Variants in PTPRD observed in about 807,000 individuals in gnomAD.
PTPRD encodes protein tyrosine phosphatase receptor type D.
A neutral mutation model predicts 214.5 loss-of-function variants in PTPRD; 34 were observed. The observed-to-expected ratio is 0.16, with a 90% confidence interval of 0.12 to 0.21. The LOEUF (loss-of-function observed/expected upper bound fraction) is 0.21, where lower values mean the gene tolerates loss of function less well. PTPRD is among the 10% of genes least tolerant of loss of function. The pLI is 1.00. For synonymous variants in PTPRD, 1,128 were observed against 845.7 expected, an observed-to-expected ratio of 1.33 and a Z score of -5.79; for missense variants, 2,545 against 2,398.7, an observed-to-expected ratio of 1.06 and a Z score of -1.27.
At chr9:9,490,900 GAATT>G (rs1163081380) in intron 8 of PTPRD, among the ~76,000 whole-genome samples, 1 of 151,240 alleles carries the variant, frequency 6.6e-6, no homozygotes, top group Non-Finnish European at 1.5e-5. Flanking sequence ...ATAAATGAAC[GAATT>G]GTTTGTTGAA....
At chr9:10,536,650 T>G (rs184048380) in intron 2 of PTPRD, among the ~76,000 whole-genome samples, 19 of 152,210 alleles carry the variant, frequency 1.2e-4, no homozygotes, top group Non-Finnish European at 2.4e-4. Flanking sequence ...AAATGCACAC[T>G]CCACGCTGAT....
intron 8 of PTPRD, among the ~76,000 whole-genome samples, chr9:9,435,028 T>C (rs1270987825): frequency 6.6e-6 from 1 of 151,806 alleles, no homozygotes. Context: ...AAGAATCAAG[T>C]TATGGAGTAA....
At chr9:10,030,347 G>T (rs1189658965) in intron 4 of PTPRD, among the ~76,000 whole-genome samples, 1 of 152,168 alleles carries the variant, frequency 6.6e-6, no homozygotes, top group Non-Finnish European at 1.5e-5. Context: ...AAAAGAAAAG[G>T]TGTTTGTGAT....
rs115397789 is a variant in PTPRD, at chr9:8,405,443, T to C, written c.4087-783A>G. Among the ~76,000 whole-genome samples, 573 of 152,212 alleles carry C rather than the reference T, an allele frequency of 3.8e-3. 6 individuals carry two copies. Among genetic ancestry groups the C allele is most frequent in the Middle Eastern group, 0.017 (5 of 292 alleles). On this transcript the variant is annotated intron_variant, in intron 35 of 45. Coordinates refer to ENST00000381196, the MANE Select transcript of PTPRD (RefSeq NM_002839.4). The stretch of plus-strand genomic sequence containing the variant: ...TCTTTGATGGTACATTTCAACCAAA[T>C]TATTCAACAATCTAAAATAAACATC...
At chr9:9,429,431 T>C (rs865920486) in intron 8 of PTPRD, among the ~76,000 whole-genome samples, 13 of 151,896 alleles carry the variant, frequency 8.6e-5, no homozygotes, top group Non-Finnish European at 1.5e-5. Context: ...CCAAAAAAAG[T>C]CCATGACCAG....
At chr9:9,717,071 C>G (rs2097848375) in intron 7 of PTPRD, among the ~76,000 whole-genome samples, 1 of 152,172 alleles carries the variant, frequency 6.6e-6, no homozygotes, top group African/African-American at 2.4e-5. Context: ...CTCCATATGG[C>G]TAGCCAGTTT....
intron 11 of PTPRD, among the ~76,000 whole-genome samples, chr9:8,820,905 T>A (rs1233068749): frequency 6.6e-6 from 1 of 152,208 alleles, no homozygotes; most frequent in Non-Finnish European, 1.5e-5. Context: ...CTTATTTTTC[T>A]AACTCTTAAT....
intron 8 of PTPRD, among the ~76,000 whole-genome samples, chr9:9,543,613 G>C (rs1180261258): frequency 6.6e-6 from 1 of 151,454 alleles, no homozygotes; most frequent in Non-Finnish European, 1.5e-5. Flanking sequence ...ATAACTTGCT[G>C]AGAATTATGC....
Position 9,152,265 on chromosome 9 carries a change from G to C in PTPRD, c.-143+31039C>G, listed in dbSNP as rs569189173. On this transcript the variant is annotated intron_variant, in intron 10 of 45. Transcript: ENST00000381196. Reference sequence around the variant, plus strand: ...GGCATCTGATTTGAATGCACATGTAGAGACATTACCCGTGACTTCAAATTT... The same window carrying C: ...GGCATCTGATTTGAATGCACATGTACAGACATTACCCGTGACTTCAAATTT... Among the ~76,000 whole-genome samples the C allele has an allele frequency of 6.6e-5, 10 of 152,328 alleles. No individual in the cohort carries two copies. In the South Asian group the frequency reaches 2.1e-3, roughly 32 times the overall value.
intron 8 of PTPRD, among the ~76,000 whole-genome samples, chr9:9,506,281 G>T (rs1343119593): frequency 6.6e-6 from 1 of 151,298 alleles, no homozygotes; most frequent in Non-Finnish European, 1.5e-5. Context: ...GAGGACAAAA[G>T]GAAATATTGT....
chr9:9,701,182 T>A (rs956784574), intron 7 of PTPRD, among the ~76,000 whole-genome samples: 1 of 152,116 alleles, frequency 6.6e-6, no homozygotes, highest in Admixed American at 6.6e-5. Context: ...TGGCATAGTG[T>A]TGCCTAAATA....
intron 2 of PTPRD, among the ~76,000 whole-genome samples, chr9:10,538,487 A>G (rs2058387342): frequency 6.6e-6 from 1 of 152,068 alleles, no homozygotes; most frequent in Non-Finnish European, 1.5e-5. Context: ...CTCTCTATAT[A>G]TACACAATTT....
At chr9:10,423,588 G>A (rs1473876055) in intron 2 of PTPRD, among the ~76,000 whole-genome samples, 2 of 151,828 alleles carry the variant, frequency 1.3e-5, no homozygotes, top group African/African-American at 4.8e-5. Context: ...CAGTGCCAGT[G>A]GCATTCAAAG....
At chr9:8,721,900 C>G (rs1054298098) in intron 12 of PTPRD, among the ~76,000 whole-genome samples, 3 of 152,190 alleles carry the variant, frequency 2.0e-5, no homozygotes, top group African/African-American at 7.2e-5. Flanking sequence ...CTCTCCTAAC[C>G]TCTGCTCCAA....
chr9:8,344,002 C>T (rs1195109310), intron 39 of PTPRD, among the ~76,000 whole-genome samples: 1 of 152,046 alleles, frequency 6.6e-6, no homozygotes, highest in East Asian at 1.9e-4. Flanking sequence ...AGGAAAATCA[C>T]TTTAAGTAGT....
intron 11 of PTPRD, among the ~76,000 whole-genome samples, chr9:9,000,720 C>T (rs1483405242): frequency 6.6e-6 from 1 of 151,930 alleles, no homozygotes; most frequent in Non-Finnish European, 1.5e-5. Flanking sequence ...AAACAGGCAG[C>T]TCTCATTCCA....
chr9:8,943,604 A>G (rs963551937), intron 11 of PTPRD, among the ~76,000 whole-genome samples: 1 of 151,056 alleles, frequency 6.6e-6, no homozygotes, highest in African/African-American at 2.4e-5. Context: ...AACCAATTAT[A>G]TTTAATAATT....
chr9:10,586,793 T>C (rs1470956304), intron 2 of PTPRD, among the ~76,000 whole-genome samples: 1 of 151,982 alleles, frequency 6.6e-6, no homozygotes, highest in Non-Finnish European at 1.5e-5. Flanking sequence ...AACTTTTTTT[T>C]TTTTTTTTAC....
At chr9:9,651,283 T>C (rs2096340418) in intron 7 of PTPRD, among the ~76,000 whole-genome samples, 1 of 152,224 alleles carries the variant, frequency 6.6e-6, no homozygotes, top group African/African-American at 2.4e-5. Context: ...AGTGCAGATT[T>C]GTTACATAGG....
Sources: allele counts gnomAD v4.1 joint callset (sites outside exome capture counted in the v4.1 genomes callset), GRCh38; gene constraint gnomAD v4.1.1; transcripts MANE v1.5; gene names NCBI Gene and HGNC (gene_info 2026-07-23, HGNC 2026-07-21).